INSIG2: variants seen among roughly 807,000 people sequenced by gnomAD.
The protein encoded by INSIG2 is insulin induced gene 2, also known as insulin-induced gene 2 protein.
INSIG2 carries 10 observed loss-of-function variants against 27.2 expected under a neutral mutation model. The ratio of observed to expected loss-of-function variants is 0.37; its 90% CI spans 0.23 to 0.62. The LOEUF is 0.62. Among genes scored for constraint, INSIG2 ranks in the 20% least tolerant of loss-of-function variants. The pLI is 0.65. For missense variants in INSIG2, 178 were observed against 270.2 expected (o/e 0.66, Z 2.39); for synonymous variants, 97 against 95.8 (o/e 1.01, Z -0.07).
chr2:118,103,357 A>G, intron 3 of INSIG2, 36 bp downstream of exon 3: 1 of 1,570,948 alleles, frequency 6.4e-7, no homozygotes, highest in Non-Finnish European at 8.7e-7. Flanking sequence ...CATAATAACA[A>G]AGTGGCTTCC....
At chr2:118,090,149 G>A (rs976244890) in intron 1 of INSIG2, among the ~76,000 whole-genome samples, 5 of 152,168 alleles carry the variant, frequency 3.3e-5, no homozygotes, top group Admixed American at 6.5e-5. Flanking sequence ...CTAATTAAGA[G>A]AGCATATGAT....
chr2:118,092,160 CAG>C lies in INSIG2; in HGVS notation c.-139+3621_-139+3622del, dbSNP rs540212717. ...AATTCCCTTTTGGAAAAATCACAAA[CAG>C]AAACAAATGATACGCTGTCTCAATG... On this transcript the variant is annotated intron_variant, in intron 1 of 5. Transcript: ENST00000245787. 2.8e-4 allele frequency among the ~76,000 whole-genome samples: 43 copies of C among 152,208 alleles called. No homozygotes were observed. In the South Asian group the frequency reaches 8.3e-3, roughly 29 times the overall value.
chr2:118,105,023 T>A (rs569991902), intron 3 of INSIG2, among the ~76,000 whole-genome samples: 1 of 152,212 alleles, frequency 6.6e-6, no homozygotes, highest in Non-Finnish European at 1.5e-5. Flanking sequence ...TTACTTAGAC[T>A]TTACAAAATC....
intron 3 of INSIG2, among the ~76,000 whole-genome samples, chr2:118,106,098 T>A (rs1207540984): frequency 6.6e-6 from 1 of 152,168 alleles, no homozygotes; most frequent in Non-Finnish European, 1.5e-5. Flanking sequence ...GCTTGGCAGG[T>A]TGTAAGATAA....
In INSIG2 at chr2:118,092,822, A is replaced by T. The variant is rs190024757; in HGVS notation, c.-138-3597A>T. 1.1e-4 allele frequency among the ~76,000 whole-genome samples: 16 copies of T among 149,286 alleles called. No individual in the cohort carries two copies. In the East Asian group the frequency reaches 1.5e-3, roughly 14 times the overall value. ...AATAATGATGATGATGATGAGGAGG[A>T]GAGTTCTGTAGCTACTGAACCTTGC... On this transcript the variant is annotated intron_variant, in intron 1 of 5. Transcript: ENST00000245787.
rs529300818 is a variant in INSIG2, at chr2:118,096,458, C to T, written c.-99C>T. 7.3e-6 allele frequency: 9 copies of T among 1,235,466 alleles called. No homozygotes were observed. The highest frequency in any genetic ancestry group is 1.5e-5 in the African/African-American group (1 of 65,814). The allele number at this position is 1,235,466 out of a possible 1,614,324, so 76.5% of individuals were successfully genotyped here. On this transcript the variant is annotated 5_prime_UTR_variant, in exon 2 of 6. Transcript: ENST00000245787. ...CCTACTTTAGGACAAGATGTGGTAC[C>T]GTTGAAGCGTCAGTCTTTGATTCAC...
chr2:118,093,663 TGAG>T (rs762434302), intron 1 of INSIG2, among the ~76,000 whole-genome samples: 526 of 24,302 alleles, frequency 0.022, 41 homozygotes, highest in African/African-American at 0.068. Context: ...ATGATGATGA[TGAG>T]GAGGAGGAGG....
Position 118,096,579 on chromosome 2 carries a change from C to T in INSIG2, c.23C>T (p.Ser8Leu). 1 of 1,613,378 alleles carries T rather than the reference C, an allele frequency of 6.2e-7. No homozygotes were observed. The highest frequency in any genetic ancestry group is 8.5e-7 in the Non-Finnish European group (1 of 1,179,756). The change falls in exon 2 of 6, where the codon TCA (serine) becomes TTA (leucine). Residue 8 changes from serine (S) to leucine (L), a missense_variant. Ser to Leu is a moderately radical substitution (Grantham distance 145, BLOSUM62 -2). Transcript: ENST00000245787. ...ACCATGGCAGAAGGAGAGACAGAGT[C>T]ACCTGGGCCCAAAAAGTGTGGCCCA... is the stretch of plus-strand genomic sequence containing the variant. MAEGETE[S>L]PGPKKCGPYI...
chr2:118,098,283 AG>A (rs959543245), intron 2 of INSIG2, among the ~76,000 whole-genome samples: 1 of 152,320 alleles, frequency 6.6e-6, no homozygotes, highest in Admixed American at 6.5e-5. Context: ...AACAGAGGGA[AG>A]GGAAACTGTT....
chr2:118,104,769 CCT>C (rs1678632664), intron 3 of INSIG2, among the ~76,000 whole-genome samples: 2 of 152,284 alleles, frequency 1.3e-5, no homozygotes, highest in South Asian at 4.1e-4. Context: ...TGTGTCAGTT[CCT>C]CTCTGTCCGG....
intron 1 of INSIG2, among the ~76,000 whole-genome samples, chr2:118,094,715 G>A (rs1216308339): frequency 1.3e-5 from 2 of 152,160 alleles, no homozygotes; most frequent in Non-Finnish European, 2.9e-5. Flanking sequence ...CGTTGTCTAA[G>A]TGTTTATCAC....
In INSIG2 at chr2:118,110,795, T is replaced by G. The variant is rs977634770; in HGVS notation, c.*2473T>G. The G allele has an allele frequency of 1.3e-5, 2 of 151,666 alleles. No homozygotes were observed. Among genetic ancestry groups the G allele is most frequent in the Admixed American group, 1.3e-4 (2 of 15,152 alleles). 9.4% of individuals were successfully genotyped at this position (151,666 alleles called of 1,614,324 possible). On this transcript the variant is annotated 3_prime_UTR_variant, in exon 6 of 6. Coordinates refer to ENST00000245787, the MANE Select transcript of INSIG2 (RefSeq NM_016133.4). ...TGCACAGTTGAAAACTGGGGATAAATTCTACAAAAGTGCAAGAAAACAATT... is the reference window on the plus strand; with the variant it reads ...TGCACAGTTGAAAACTGGGGATAAAGTCTACAAAAGTGCAAGAAAACAATT...
chr2:118,093,858 GATGAT>G (rs1678330855), intron 1 of INSIG2, among the ~76,000 whole-genome samples: 1 of 97,344 alleles, frequency 1.0e-5, no homozygotes, highest in Non-Finnish European at 2.2e-5. Flanking sequence ...AGATGATGAT[GATGAT>G]GAGGAGGAGG....
intron 1 of INSIG2, among the ~76,000 whole-genome samples, chr2:118,090,094 G>GT (rs924081039): frequency 3.9e-5 from 6 of 152,042 alleles, no homozygotes; most frequent in East Asian, 1.9e-4. Flanking sequence ...ATTTAAGTCT[G>GT]TTTTTTTCTA....
At chr2:118,095,159 T>G (rs1678376836) in intron 1 of INSIG2, among the ~76,000 whole-genome samples, 1 of 152,240 alleles carries the variant, frequency 6.6e-6, no homozygotes, top group Non-Finnish European at 1.5e-5. Context: ...CTTTTTAAAA[T>G]AAACTGCTTT....
At chr2:118,105,142 G>A (rs888069516) in intron 3 of INSIG2, among the ~76,000 whole-genome samples, 2 of 152,134 alleles carry the variant, frequency 1.3e-5, no homozygotes, top group Admixed American at 6.5e-5. Flanking sequence ...CCGGGTTCAC[G>A]CCATTCTCCT....
chr2:118,098,209 A>G (rs1224344974), intron 2 of INSIG2, among the ~76,000 whole-genome samples: 1 of 152,180 alleles, frequency 6.6e-6, no homozygotes, highest in African/African-American at 2.4e-5. Context: ...CTTCTATAGT[A>G]TAGTCTGGCT....
intron 1 of INSIG2, among the ~76,000 whole-genome samples, chr2:118,090,711 A>G (rs918425467): frequency 6.6e-6 from 1 of 152,196 alleles, no homozygotes; most frequent in South Asian, 2.1e-4. Context: ...TAGTTTACCA[A>G]CATGATTTTA....
chr2:118,094,367 A>AGATGATGATGAT (rs34116355), intron 1 of INSIG2, among the ~76,000 whole-genome samples: 91,559 of 118,124 alleles, frequency 0.78, 39,002 homozygotes, highest in East Asian at 0.88. Context: ...AAAAGCAACC[A>AGATGATGATGAT]GATGATGATG....
Sources: allele counts gnomAD v4.1 joint callset (sites outside exome capture counted in the v4.1 genomes callset), GRCh38; gene constraint gnomAD v4.1.1; transcripts MANE v1.5; gene names NCBI Gene and HGNC (gene_info 2026-07-23, HGNC 2026-07-21).